The following NEDD8 variants were observed in gnomAD, a reference collection of about 807,000 sequenced individuals.
NEDD8 encodes the protein NEDD8 ubiquitin like modifier, also known as ubiquitin-like protein NEDD8.
In NEDD8, 1 loss-of-function variant was observed where a neutral mutation model predicts 13.8. That is an observed-to-expected ratio of 0.07 (90% CI 0.03 to 0.34). The LOEUF is 0.34. NEDD8 is among the 10% of genes least tolerant of loss of function. The probability of loss-of-function intolerance (pLI) is 0.99; values close to 1 mark genes in which losing one functional copy is unlikely to be tolerated. For missense variants in NEDD8, 10 were observed against 95.2 expected (o/e 0.10, Z 3.73); for synonymous variants, 31 against 33.2 (o/e 0.93, Z 0.23).
chr14:24,232,153 C>T (rs182383243), intron 1 of NEDD8, 97 bp downstream of exon 1: 7 of 1,593,888 alleles, frequency 4.4e-6, no homozygotes, highest in African/African-American at 4.0e-5. Flanking sequence ...GTCCTCCAGG[C>T]TAGGGAAAGG....
At chr14:24,231,812 AT>A in intron 1 of NEDD8, 1 of 171,002 alleles carries the variant, frequency 5.8e-6, no homozygotes, top group Non-Finnish European at 1.3e-5. Context: ...GGAGGCCCCG[AT>A]TTTAGGGCTG....
intron 1 of NEDD8, among the ~76,000 whole-genome samples, chr14:24,225,171 C>CAAA (rs71281817): frequency 0.032 from 3,912 of 123,734 alleles, 141 homozygotes; most frequent in African/African-American, 0.091. Context: ...GACTCTGTCT[C>CAAA]AAAAAAAAAA....
At chr14:24,223,434 G>T (rs1278829139) in intron 1 of NEDD8, among the ~76,000 whole-genome samples, 1 of 151,952 alleles carries the variant, frequency 6.6e-6, no homozygotes, top group Non-Finnish European at 1.5e-5. Context: ...AATTCAAATG[G>T]TAAATTTTCA....
At chr14:24,227,258 G>A (rs905122780) in intron 1 of NEDD8, 9 of 152,134 alleles carry the variant, frequency 5.9e-5, no homozygotes, top group Non-Finnish European at 8.8e-5. Flanking sequence ...AAACATGAAT[G>A]AGAAAACTGA....
At chr14:24,219,765 T>C (rs1454720640) in intron 1 of NEDD8, among the ~76,000 whole-genome samples, 2 of 152,202 alleles carry the variant, frequency 1.3e-5, no homozygotes, top group African/African-American at 4.8e-5. Flanking sequence ...TTCTAATTTA[T>C]GGGCATTTCT....
At chr14:24,223,842 C>T (rs1361112263) in intron 1 of NEDD8, among the ~76,000 whole-genome samples, 6 of 151,934 alleles carry the variant, frequency 3.9e-5, no homozygotes, top group Admixed American at 3.9e-4. Flanking sequence ...TCAAGCAATT[C>T]TCCTGCCTCA....
intron 1 of NEDD8, chr14:24,228,719 C>CAAAAAAA: frequency 1.4e-5 from 1 of 69,800 alleles, no homozygotes; most frequent in Non-Finnish European, 2.6e-5. Flanking sequence ...GAACCTGTCT[C>CAAAAAAA]AAAAAAAAAA....
intron 1 of NEDD8, among the ~76,000 whole-genome samples, chr14:24,229,470 G>A (rs1176794779): frequency 7.9e-5 from 12 of 152,254 alleles, no homozygotes; most frequent in Non-Finnish European, 4.4e-5. Flanking sequence ...CGCCCGCCTT[G>A]GCCTCCCAAA....
At chr14:24,229,759 C>T (rs1198385683) in intron 1 of NEDD8, among the ~76,000 whole-genome samples, 1 of 152,120 alleles carries the variant, frequency 6.6e-6, no homozygotes, top group African/African-American at 2.4e-5. Context: ...CATGAGAACC[C>T]ATATGCATTG....
At chr14:24,223,085 CAAAAAAAAAA>C (rs71426836) in intron 1 of NEDD8, among the ~76,000 whole-genome samples, 900 of 75,628 alleles carry the variant, frequency 0.012, 13 homozygotes, top group African/African-American at 0.041. Context: ...GACTGCATTT[CAAAAAAAAAA>C]AAAAAAAAAA....
Position 24,230,270 on chromosome 14 carries a change from C to T in NEDD8, c.18+1980G>A, listed in dbSNP as rs184511583. 6.6e-5 allele frequency among the ~76,000 whole-genome samples: 9 copies of T among 136,088 alleles called. No homozygotes were observed. In the East Asian group the frequency reaches 2.2e-3, roughly 33 times the overall value. 89.3% of individuals were successfully genotyped at this position (136,088 alleles called of 152,430 possible). ...AGGCCAGGCACGGGGGAGGGTGGCT[C>T]ACACCTGTAATCCCAGCACTTTGGG... On this transcript the variant is annotated intron_variant, in intron 1 of 3. Transcript: ENST00000250495.
intron 1 of NEDD8, 92 bp downstream of exon 1, chr14:24,232,158 G>C: frequency 6.3e-7 from 1 of 1,599,340 alleles, no homozygotes; most frequent in Non-Finnish European, 8.5e-7. Flanking sequence ...CCAGGCTAGG[G>C]AAAGGCGTGG....
At chr14:24,223,486 T>C (rs529998919) in intron 1 of NEDD8, among the ~76,000 whole-genome samples, 7 of 152,300 alleles carry the variant, frequency 4.6e-5, no homozygotes, top group African/African-American at 1.7e-4. Flanking sequence ...TAATTTACAA[T>C]AGAAAAAGTA....
At chr14:24,229,730 CT>C (rs1252698189) in intron 1 of NEDD8, among the ~76,000 whole-genome samples, 5 of 152,178 alleles carry the variant, frequency 3.3e-5, no homozygotes, top group Non-Finnish European at 2.9e-5. Context: ...AGTAACTTAA[CT>C]TCTTTGGACC....
At chr14:24,218,591 C>T in intron 1 of NEDD8, 160 bp from the exon 2 acceptor site, 1 of 957,026 alleles carries the variant, frequency 1.0e-6, no homozygotes, top group Non-Finnish European at 1.6e-6. Flanking sequence ...AACATACCTT[C>T]ATTTATCAAA....
chr14:24,229,069 A>T (rs1007112711), intron 1 of NEDD8, among the ~76,000 whole-genome samples: 1 of 152,116 alleles, frequency 6.6e-6, no homozygotes, highest in East Asian at 1.9e-4. Context: ...CAGACATTCA[A>T]TATCACCTGG....
intron 1 of NEDD8, among the ~76,000 whole-genome samples, chr14:24,231,274 T>TA (rs57115544): frequency 0.02 from 3,061 of 152,128 alleles, 91 homozygotes; most frequent in African/African-American, 0.068. Flanking sequence ...TACTCAACGT[T>TA]AAAAAAAATC....
intron 1 of NEDD8, among the ~76,000 whole-genome samples, chr14:24,231,486 G>T (rs1490938223): frequency 7.2e-6 from 1 of 138,800 alleles, no homozygotes; most frequent in Admixed American, 6.9e-5. Flanking sequence ...GTTTTTTTGA[G>T]GGGGGCGTGG....
chr14:24,232,350 C>G lies in NEDD8; in HGVS notation c.-83G>C. ...CCGCTGCCGCCCTCCAGCACTCTTG[C>G]CTGCAAGGGCCACTTCTACTTCCGG... On this transcript the variant is annotated 5_prime_UTR_variant, in exon 1 of 4. Coordinates refer to ENST00000250495, the MANE Select transcript of NEDD8 (RefSeq NM_006156.3). 1 of 1,533,962 alleles carries G rather than the reference C, an allele frequency of 6.5e-7. No homozygotes were observed. The highest frequency in any genetic ancestry group is 8.9e-7 in the Non-Finnish European group (1 of 1,125,802).
Sources: allele counts gnomAD v4.1 joint callset (sites outside exome capture counted in the v4.1 genomes callset), GRCh38; gene constraint gnomAD v4.1.1; transcripts MANE v1.5; gene names NCBI Gene and HGNC (gene_info 2026-07-23, HGNC 2026-07-21).